PIGV: variants seen among roughly 807,000 people sequenced by gnomAD.
The protein encoded by PIGV is GPI alpha-1,6-mannosyltransferase 2.
A neutral mutation model predicts 39.2 loss-of-function variants in PIGV; 27 were observed. That is an observed-to-expected ratio of 0.69 (90% CI 0.51 to 0.95). The LOEUF (loss-of-function observed/expected upper bound fraction) is 0.95. Among genes scored for constraint, PIGV ranks in the 40% least tolerant of loss-of-function variants. The pLI, the probability that PIGV is intolerant of heterozygous loss-of-function variation, is 0.00. For synonymous variants in PIGV, 232 were observed against 241.7 expected (o/e 0.96, Z 0.37); for missense variants, 523 against 586.4 (o/e 0.89, Z 1.12).
intron 1 of PIGV, among the ~76,000 whole-genome samples, chr1:26,790,309 A>T (rs2081293631): frequency 6.6e-6 from 1 of 152,218 alleles, no homozygotes; most frequent in African/African-American, 2.4e-5. Flanking sequence ...TAGCAACCAC[A>T]ACACAGATTT....
In PIGV at chr1:26,794,507, G is replaced by A. The variant is rs201332799; in HGVS notation, c.473G>A (p.Ser158Asn). The A allele has an allele frequency of 3.9e-4, 626 of 1,614,200 alleles. 5 individuals carry two copies. In the South Asian group the frequency reaches 4.2e-3, roughly 11 times the overall value. ...SFYAALLFCL[S>N]PANVFLAAGY... The stretch of plus-strand genomic sequence containing the variant: ...TATGCAGCTCTGCTTTTCTGTCTCA[G>A]CCCTGCCAATGTCTTCCTGGCAGCT... Residue 158 changes from serine to asparagine, a missense_variant, in exon 3 of 4, where the codon AGC becomes AAC. Ser to Asn is a conservative substitution (Grantham distance 46). Coordinates refer to ENST00000674202, the MANE Select transcript of PIGV (RefSeq NM_017837.4).
At chr1:26,792,125 T>G (rs2081317075) in intron 2 of PIGV, among the ~76,000 whole-genome samples, 1 of 152,204 alleles carries the variant, frequency 6.6e-6, no homozygotes, top group South Asian at 2.1e-4. Context: ...CTCTTTTCTC[T>G]TAAGTAGCTG....
rs185747325 is a variant in PIGV at position 26,798,125 on chromosome 1, T to C, written c.*281T>C. Reference sequence around the variant, plus strand: ...CCTGGATCTGTCTAGTCAATCAACATAGCAGAGACAGTCTTAAACCTACCA... The same window carrying C: ...CCTGGATCTGTCTAGTCAATCAACACAGCAGAGACAGTCTTAAACCTACCA... On this transcript the variant is annotated 3_prime_UTR_variant, in exon 4 of 4. Coordinates refer to ENST00000674202, the MANE Select transcript of PIGV (RefSeq NM_017837.4). 2 of 454,888 alleles carry C rather than the reference T, an allele frequency of 4.4e-6. No homozygotes were observed. The highest frequency in any genetic ancestry group is 8.2e-6 in the Non-Finnish European group (2 of 245,064). The allele number at this position is 454,888 out of a possible 1,614,324, so 28.2% of individuals were successfully genotyped here. A position where few individuals can be genotyped will look rare whatever the true frequency, so the allele number is the denominator to read the frequency against.
At chr1:26,789,945 A>T (rs959214171) in intron 1 of PIGV, among the ~76,000 whole-genome samples, 1 of 152,202 alleles carries the variant, frequency 6.6e-6, no homozygotes, top group Non-Finnish European at 1.5e-5. Flanking sequence ...AGGAATTATA[A>T]AAGATGCCTT....
At position 26,799,353 on chromosome 1, in the gene PIGV, G is replaced by T. The variant is rs1309756712; in HGVS notation, c.*1509G>T. 1.3e-5 allele frequency among the ~76,000 whole-genome samples: 2 copies of T among 152,174 alleles called. No homozygotes were observed. Among genetic ancestry groups the T allele is most frequent in the African/African-American group, 2.4e-5 (1 of 41,444 alleles). On this transcript the variant is annotated 3_prime_UTR_variant, in exon 4 of 4. Coordinates refer to ENST00000674202, the MANE Select transcript of PIGV (RefSeq NM_017837.4). ...CTTCCTGGCCCCCGTTTGGTCATGA[G>T]CCTATCACTATAATGGTAGTAAGAT...
At chr1:26,790,566 C>T (rs150075527) in intron 1 of PIGV, among the ~76,000 whole-genome samples, 193 bp from the exon 2 acceptor site, 1 of 152,300 alleles carries the variant, frequency 6.6e-6, no homozygotes, top group Admixed American at 6.5e-5. Context: ...TGGAACTTTA[C>T]CAACGACAGT....
intron 2 of PIGV, among the ~76,000 whole-genome samples, chr1:26,792,588 A>C (rs1301494680): frequency 6.6e-6 from 1 of 152,304 alleles, no homozygotes; most frequent in Middle Eastern, 3.4e-3. Context: ...CGGCCTCCCA[A>C]AGTGCTGGGA....
At chr1:26,792,117 CT>C (rs1481041352) in intron 2 of PIGV, among the ~76,000 whole-genome samples, 2 of 152,054 alleles carry the variant, frequency 1.3e-5, no homozygotes, top group Non-Finnish European at 2.9e-5. Context: ...GACATGGTCT[CT>C]TTTCTCTTAA....
intron 1 of PIGV, 162 bp downstream of exon 1, chr1:26,788,430 TAGTCTTACCCAGA>T (rs1370011546): frequency 1.3e-5 from 2 of 152,316 alleles, no homozygotes; most frequent in African/African-American, 4.8e-5. Context: ...CAGGGGGTGT[TAGTCTTACCCAGA>T]GGGTCCAGAG....
rs780377617 is a variant in PIGV at position 26,794,782 on chromosome 1, C to A, written c.748C>A (p.Leu250Ile). 7.4e-6 allele frequency: 12 copies of A among 1,613,998 alleles called. No homozygotes were observed. Among genetic ancestry groups the A allele is most frequent in the Non-Finnish European group, 9.3e-6 (11 of 1,180,016 alleles). The change falls in exon 3 of 4, where the codon CTT becomes ATT. Residue 250 changes from leucine (L) to isoleucine (I), a missense_variant. Leu to Ile is a conservative substitution (Grantham distance 5). Transcript: ENST00000674202. The stretch of plus-strand genomic sequence containing the variant: ...GTTTCTGTCGGTGTTCACACTTGGC[C>A]TTCCCTTTGCCCTCTTTCAGTATTA... ...SLFLSVFTLGLPFALFQYYAY... is the reference protein window; with the variant it reads ...SLFLSVFTLGIPFALFQYYAY...
chr1:26,789,182 C>A (rs544690409), intron 1 of PIGV, among the ~76,000 whole-genome samples: 2 of 152,280 alleles, frequency 1.3e-5, no homozygotes, highest in South Asian at 4.1e-4. Context: ...CTCGATTCAG[C>A]GAGTCATACG....
chr1:26,793,722 C>A (rs769415317), intron 2 of PIGV, among the ~76,000 whole-genome samples: 6 of 152,270 alleles, frequency 3.9e-5, no homozygotes, highest in South Asian at 4.1e-4. Flanking sequence ...CCATCTCAGC[C>A]CCCCCAAGTA....
In PIGV at chr1:26,794,293, T is replaced by G. The variant is rs2081349974; in HGVS notation, c.259T>G (p.Phe87Val). The stretch of plus-strand genomic sequence containing the variant: ...CTACCTGTATGAGCACAACTTTGCC[T>G]TCTTTCCTGGTTTCCCCTTGGCCCT... ...HGYLYEHNFA[F>V]FPGFPLALLV... is the part of the protein sequence containing the mutation. The change falls in exon 3 of 4, where the codon TTC becomes GTC. Residue 87 changes from phenylalanine (F) to valine (V), a missense_variant. Coordinates refer to ENST00000674202, the MANE Select transcript of PIGV (RefSeq NM_017837.4). 6.2e-7 allele frequency: 1 copy of G among 1,614,244 alleles called. No individual in the cohort carries two copies. The highest frequency in any genetic ancestry group is 8.5e-7 in the Non-Finnish European group (1 of 1,180,048).
upstream of PIGV, chr1:26,787,346 G>A (rs969924378): frequency 2.6e-5 from 4 of 151,998 alleles, no homozygotes; most frequent in Admixed American, 1.3e-4. Context: ...AGCCCTGGAG[G>A]GTGTTCTCTG....
chr1:26,790,638 G>A, intron 1 of PIGV, 121 bp from the exon 2 acceptor site: 2 of 631,640 alleles, frequency 3.2e-6, no homozygotes, highest in South Asian at 3.6e-5. Context: ...CCCCTCATCT[G>A]GGAAGTTAGG....
At chr1:26,792,576 C>T (rs570341241) in intron 2 of PIGV, among the ~76,000 whole-genome samples, 11 of 152,322 alleles carry the variant, frequency 7.2e-5, no homozygotes, top group African/African-American at 2.6e-4. Flanking sequence ...ATCTGCCTGC[C>T]TCGGCCTCCC....
At position 26,798,486 on chromosome 1, in the gene PIGV, A is replaced by G. The variant is rs972829206; in HGVS notation, c.*642A>G. On this transcript the variant is annotated 3_prime_UTR_variant, in exon 4 of 4. Transcript: ENST00000674202. ...AGCACTTTGTGATGCCGAGGTGGGC[A>G]GATCACTTGAGGCCAGGAGTTTGAG... is the stretch of plus-strand genomic sequence containing the variant. 1 of 153,604 alleles carries G rather than the reference A, an allele frequency of 6.5e-6. No individual in the cohort carries two copies. Among genetic ancestry groups the G allele is most frequent in the African/African-American group, 2.4e-5 (1 of 41,466 alleles). 9.5% of individuals were successfully genotyped at this position (153,604 alleles called of 1,614,324 possible). A position where few individuals can be genotyped will look rare whatever the true frequency, so the allele number is the denominator to read the frequency against.
intron 3 of PIGV, among the ~76,000 whole-genome samples, chr1:26,796,525 C>G (rs1299260962): frequency 6.6e-6 from 1 of 151,936 alleles, no homozygotes; most frequent in East Asian, 1.9e-4. Context: ...GTAGGTAACT[C>G]ACTGGAGTAC....
Position 26,797,958 on chromosome 1 carries a change from C to T in PIGV, c.*114C>T. 1.1e-6 allele frequency: 1 copy of T among 918,072 alleles called. No homozygotes were observed. Among genetic ancestry groups the T allele is most frequent in the South Asian group, 1.4e-5 (1 of 73,362 alleles). 56.9% of individuals were successfully genotyped at this position (918,072 alleles called of 1,614,324 possible). ...GGATCATTACTGTGTCCATTATAAT[C>T]TTTCTCTTTCTCTTTGAAAGCTGGT... is the stretch of plus-strand genomic sequence containing the variant. On this transcript the variant is annotated 3_prime_UTR_variant, in exon 4 of 4. Transcript: ENST00000674202.
Sources: allele counts gnomAD v4.1 joint callset (sites outside exome capture counted in the v4.1 genomes callset), GRCh38; gene constraint gnomAD v4.1.1; transcripts MANE v1.5; gene names NCBI Gene and HGNC (gene_info 2026-07-23, HGNC 2026-07-21).